Variants in ITGA9 observed in about 807,000 individuals in gnomAD.
The protein encoded by ITGA9 is integrin alpha-9.
In ITGA9, 56 loss-of-function variants were observed where a neutral mutation model predicts 127.8. The observed-to-expected ratio is 0.44, with a 90% confidence interval of 0.35 to 0.55. The LOEUF (loss-of-function observed/expected upper bound fraction) is 0.55, where lower values mean the gene tolerates loss of function less well. ITGA9 is among the 20% of genes least tolerant of loss of function. ITGA9 has a pLI of 0.00. For missense variants in ITGA9, 1,196 were observed against 1,347.1 expected (o/e 0.89, Z 1.76); for synonymous variants, 508 against 514.5 (o/e 0.99, Z 0.17).
chr3:37,734,970 A>G (rs532366426), intron 19 of ITGA9, among the ~76,000 whole-genome samples: 1 of 152,338 alleles, frequency 6.6e-6, no homozygotes, highest in Admixed American at 6.5e-5. Flanking sequence ...AAGCCCAACA[A>G]GTCACCCAGC....
intron 15 of ITGA9, among the ~76,000 whole-genome samples, chr3:37,574,244 T>G (rs926672296): frequency 6.6e-6 from 1 of 152,360 alleles, no homozygotes; most frequent in Non-Finnish European, 1.5e-5. Flanking sequence ...ATAGTGTATT[T>G]CCTTTTTATT....
At chr3:37,695,512 T>C (rs1424878043) in intron 18 of ITGA9, among the ~76,000 whole-genome samples, 1 of 152,236 alleles carries the variant, frequency 6.6e-6, no homozygotes, top group Non-Finnish European at 1.5e-5. Flanking sequence ...GGAATTGACA[T>C]ATACAGATGC....
chr3:37,453,115 G>GC lies in ITGA9; in HGVS notation c.185+571dup, dbSNP rs33973256. 6.8e-4 allele frequency among the ~76,000 whole-genome samples: 96 copies of GC among 141,746 alleles called. 2 individuals are homozygous for GC. In the East Asian group the frequency reaches 9.5e-3, roughly 14 times the overall value. The allele number at this position is 141,746 out of a possible 152,430, so 93.0% of individuals were successfully genotyped here. A position where few individuals can be genotyped will look rare whatever the true frequency, so the allele number is the denominator to read the frequency against. On this transcript the variant is annotated intron_variant, in intron 1 of 27. Coordinates refer to ENST00000264741, the MANE Select transcript of ITGA9 (RefSeq NM_002207.3). Reference sequence around the variant, plus strand: ...GCGCACTGGAGCCCAGAGCCCCGGCGCCCCCCCCCCCCCCCAGCTCCTACA... The same window carrying GC: ...GCGCACTGGAGCCCAGAGCCCCGGCGCCCCCCCCCCCCCCCCAGCTCCTACA...
chr3:37,812,938 G>T (rs578077773), intron 27 of ITGA9, among the ~76,000 whole-genome samples: 32 of 152,362 alleles, frequency 2.1e-4, no homozygotes, highest in South Asian at 8.3e-4. Context: ...GGCTCAGCTG[G>T]CAACAAAAAC....
At chr3:37,761,934 G>T (rs1275167370) in intron 23 of ITGA9, among the ~76,000 whole-genome samples, 2 of 152,166 alleles carry the variant, frequency 1.3e-5, no homozygotes, top group East Asian at 1.9e-4. Context: ...CTGAGAATTC[G>T]CAGCCCCTCT....
chr3:37,728,339 T>TTAG (rs1696242972), intron 18 of ITGA9, among the ~76,000 whole-genome samples: 2 of 152,248 alleles, frequency 1.3e-5, no homozygotes, highest in African/African-American at 4.8e-5. Context: ...AGATTAGCCA[T>TTAG]ATCTCCCCAA....
At chr3:37,471,253 T>TC in intron 2 of ITGA9, 119 bp downstream of exon 2, 1 of 1,123,420 alleles carries the variant, frequency 8.9e-7, no homozygotes, top group Non-Finnish European at 1.4e-6. Context: ...CTTCCCTCCC[T>TC]CCTTCTCTCC....
intron 7 of ITGA9, among the ~76,000 whole-genome samples, chr3:37,508,314 G>A (rs1258869539): frequency 6.6e-6 from 1 of 152,234 alleles, no homozygotes; most frequent in Non-Finnish European, 1.5e-5. Flanking sequence ...CTTATTGTGT[G>A]TGGCTTTTAT....
chr3:37,496,446 T>G (rs1382498476), intron 5 of ITGA9, among the ~76,000 whole-genome samples: 1 of 152,160 alleles, frequency 6.6e-6, no homozygotes, highest in Non-Finnish European at 1.5e-5. Flanking sequence ...CCACCTCCTA[T>G]GCCCTCAAAA....
chr3:37,632,107 T>A (rs1700235627), intron 16 of ITGA9, among the ~76,000 whole-genome samples: 1 of 152,070 alleles, frequency 6.6e-6, no homozygotes, highest in Non-Finnish European at 1.5e-5. Context: ...ATTTGGTGCA[T>A]GAAAGGAAAG....
chr3:37,756,348 C>T (rs1696652514), intron 23 of ITGA9, among the ~76,000 whole-genome samples: 1 of 152,134 alleles, frequency 6.6e-6, no homozygotes, highest in Admixed American at 6.6e-5. Flanking sequence ...AACAACACAG[C>T]TTTAACCATA....
intron 15 of ITGA9, among the ~76,000 whole-genome samples, chr3:37,585,100 C>T (rs1265891660): frequency 6.6e-6 from 1 of 152,170 alleles, no homozygotes; most frequent in Non-Finnish European, 1.5e-5. Context: ...CCAGTGACCA[C>T]TCCCCACCTT....
At position 37,724,166 on chromosome 3, in the gene ITGA9, G is replaced by A. The variant is rs529105820; in HGVS notation, c.2068-8546G>A. Among the ~76,000 whole-genome samples the A allele has an allele frequency of 3.3e-5, 5 of 152,212 alleles. No individual in the cohort carries two copies. In the South Asian group the frequency reaches 1.0e-3, roughly 32 times the overall value. On this transcript the variant is annotated intron_variant, in intron 18 of 27. Coordinates refer to ENST00000264741, the MANE Select transcript of ITGA9 (RefSeq NM_002207.3). ...GCACACAGCTGCAACTTCCCCTGGT[G>A]CTGTCTCTCTTGGTGCTACCCTATA...
intron 26 of ITGA9, among the ~76,000 whole-genome samples, chr3:37,788,130 A>G (rs1324043269): frequency 1.3e-5 from 2 of 152,224 alleles, no homozygotes; most frequent in African/African-American, 4.8e-5. Context: ...TCTCAGCATT[A>G]CTACAAATGC....
At chr3:37,759,879 G>A (rs1300880621) in intron 23 of ITGA9, among the ~76,000 whole-genome samples, 1 of 150,176 alleles carries the variant, frequency 6.7e-6, no homozygotes, top group East Asian at 2.0e-4. Flanking sequence ...ACTCCAGCCT[G>A]AATGACAGAG....
At chr3:37,557,255 A>G (rs1333078858) in intron 15 of ITGA9, among the ~76,000 whole-genome samples, 6 of 152,196 alleles carry the variant, frequency 3.9e-5, no homozygotes, top group African/African-American at 1.4e-4. Context: ...TCCTTCCTGC[A>G]TTTTGTGAGA....
chr3:37,505,721 G>T (rs975343159), intron 6 of ITGA9, among the ~76,000 whole-genome samples: 1 of 152,170 alleles, frequency 6.6e-6, no homozygotes, highest in Non-Finnish European at 1.5e-5. Context: ...ACTATGCCTT[G>T]AAAAGAAGAA....
At chr3:37,695,608 G>C (rs1700876777) in intron 18 of ITGA9, among the ~76,000 whole-genome samples, 1 of 152,148 alleles carries the variant, frequency 6.6e-6, no homozygotes, top group African/African-American at 2.4e-5. Context: ...TCCTTTTGAG[G>C]CCAGGCTTAC....
chr3:37,627,913 C>A (rs770893220), intron 15 of ITGA9, among the ~76,000 whole-genome samples: 1 of 152,194 alleles, frequency 6.6e-6, no homozygotes, highest in African/African-American at 2.4e-5. Context: ...TACCTAAGTA[C>A]CCCCAAACTG....
Sources: gnomAD v4.1 joint callset for allele counts (sites outside exome capture counted in the v4.1 genomes callset) on GRCh38, gnomAD v4.1.1 for gene constraint, MANE v1.5 for transcripts, NCBI Gene and HGNC (gene_info 2026-07-23, HGNC 2026-07-21) for gene names.